TESC: variants seen among roughly 807,000 people sequenced by gnomAD.
TESC encodes tescalcin, also known as calcineurin B homologous protein 3.
TESC carries 19 observed loss-of-function variants against 31.0 expected under a neutral mutation model. The observed-to-expected ratio is 0.61, with a 90% confidence interval of 0.43 to 0.90. The LOEUF (loss-of-function observed/expected upper bound fraction) is 0.90, where lower values mean the gene tolerates loss of function less well. Among genes scored for constraint, TESC ranks in the 40% least tolerant of loss-of-function variants. The probability of loss-of-function intolerance (pLI) is 0.00; values close to 1 mark genes in which losing one functional copy is unlikely to be tolerated. For missense variants in TESC, 248 were observed against 303.8 expected, an observed-to-expected ratio of 0.82 and a Z score of 1.36; for synonymous variants, 109 against 114.8, an observed-to-expected ratio of 0.95 and a Z score of 0.32.
intron 4 of TESC, among the ~76,000 whole-genome samples, chr12:117,048,030 CACT>C (rs1479250861): frequency 7.3e-6 from 1 of 136,650 alleles, no homozygotes; most frequent in East Asian, 1.9e-4. Context: ...AGGAGTGCAC[CACT>C]GAGCCCAGCT....
intron 4 of TESC, 173 bp downstream of exon 4, chr12:117,048,846 C>T (rs775355022): frequency 3.8e-5 from 38 of 1,004,914 alleles, no homozygotes; most frequent in Admixed American, 1.6e-4. Flanking sequence ...GTGCCGGGAA[C>T]GGGAGACAGC....
At chr12:117,095,137 T>C (rs561048583) in intron 1 of TESC, among the ~76,000 whole-genome samples, 17 of 152,126 alleles carry the variant, frequency 1.1e-4, no homozygotes, top group South Asian at 2.1e-4. Context: ...TACAGTGGCA[T>C]GCTCTCAGCT....
At chr12:117,080,173 C>T (rs189765028) in intron 1 of TESC, among the ~76,000 whole-genome samples, 1 of 152,138 alleles carries the variant, frequency 6.6e-6, no homozygotes, top group Admixed American at 6.5e-5. Context: ...TAACAGTATC[C>T]AAAGTGCACG....
chr12:117,078,736 T>C (rs987732252), intron 1 of TESC, among the ~76,000 whole-genome samples: 2 of 152,182 alleles, frequency 1.3e-5, no homozygotes, highest in African/African-American at 4.8e-5. Flanking sequence ...CCTAGAGTTA[T>C]TTTCCCCAAA....
intron 2 of TESC, among the ~76,000 whole-genome samples, chr12:117,063,512 C>G (rs1471622618): frequency 6.6e-6 from 1 of 152,120 alleles, no homozygotes; most frequent in Admixed American, 6.5e-5. Flanking sequence ...CGGAGCCCAG[C>G]TCAGTTGCAA....
intron 2 of TESC, among the ~76,000 whole-genome samples, chr12:117,074,542 GAACT>G (rs1279179609): frequency 2.0e-5 from 3 of 152,150 alleles, no homozygotes; most frequent in Non-Finnish European, 4.4e-5. Context: ...CCTGAGGCCA[GAACT>G]AACCCTAAAG....
chr12:117,099,180 G>A (rs1230718358), intron 1 of TESC, 45 bp downstream of exon 1: 1 of 1,468,394 alleles, frequency 6.8e-7, no homozygotes, highest in Non-Finnish European at 9.0e-7. Flanking sequence ...GTGGCCGTTC[G>A]GAGGTCCCGC....
chr12:117,093,335 C>T lies in TESC; in HGVS notation c.58+5890G>A, dbSNP rs552694474. ...GCAGTGGAGAAACCAGCGCCACCCC[C>T]ACCAGCCACGCTTGGCTACGCCAGT... On this transcript the variant is annotated intron_variant, in intron 1 of 7. Transcript: ENST00000335209. 4.6e-5 allele frequency among the ~76,000 whole-genome samples: 7 copies of T among 152,382 alleles called. No individual in the cohort carries two copies. The South Asian group carries it at 1.2e-3, about 27-fold the overall frequency.
At chr12:117,075,124 C>T (rs957315503) in intron 2 of TESC, 147 bp downstream of exon 2, 19 of 784,330 alleles carry the variant, frequency 2.4e-5, no homozygotes, top group Non-Finnish European at 3.3e-5. Context: ...CCAGCCTGGG[C>T]GACGGAGCGA....
chr12:117,048,672 T>C (rs890698655), intron 4 of TESC: 40 of 485,252 alleles, frequency 8.2e-5, no homozygotes, highest in African/African-American at 7.0e-4. Flanking sequence ...CCACGCATGA[T>C]CGGCATACCC....
chr12:117,046,718 TG>T (rs759845839), intron 5 of TESC, 52 bp from the exon 6 acceptor site: 1 of 1,552,252 alleles, frequency 6.4e-7, no homozygotes, highest in South Asian at 1.2e-5. Flanking sequence ...ATCAGGGTCG[TG>T]GGGGGCAGAG....
chr12:117,093,720 TGCCACGC>T (rs1385302383), intron 1 of TESC, among the ~76,000 whole-genome samples: 1 of 152,066 alleles, frequency 6.6e-6, no homozygotes, highest in Non-Finnish European at 1.5e-5. Flanking sequence ...GTGTGGCAGA[TGCCACGC>T]GCCCGAGAAA....
intron 2 of TESC, among the ~76,000 whole-genome samples, chr12:117,068,320 A>G (rs1954915463): frequency 6.6e-6 from 1 of 152,164 alleles, no homozygotes; most frequent in Non-Finnish European, 1.5e-5. Context: ...ACCTGAGGTC[A>G]GGAGTTTAAG....
At chr12:117,081,239 G>A (rs1315470901) in intron 1 of TESC, among the ~76,000 whole-genome samples, 1 of 152,128 alleles carries the variant, frequency 6.6e-6, no homozygotes, top group Non-Finnish European at 1.5e-5. Context: ...ACACCAGCCT[G>A]CCAAGACTAA....
intron 3 of TESC, 119 bp downstream of exon 3, chr12:117,056,687 C>T (rs1288804897): frequency 4.6e-6 from 5 of 1,091,882 alleles, no homozygotes; most frequent in Non-Finnish European, 6.9e-6. Context: ...AACCCCTACC[C>T]AGCTTGGCCC....
At chr12:117,088,679 T>TAAAAAA (rs1444892525) in intron 1 of TESC, among the ~76,000 whole-genome samples, 1 of 69,106 alleles carries the variant, frequency 1.4e-5, no homozygotes, top group African/African-American at 9.8e-5. Context: ...AGACTCTGTC[T>TAAAAAA]CAAAAAAAAA....
At chr12:117,091,992 A>G (rs1246978024) in intron 1 of TESC, among the ~76,000 whole-genome samples, 1 of 152,184 alleles carries the variant, frequency 6.6e-6, no homozygotes, top group East Asian at 1.9e-4. Flanking sequence ...AAATCCCACT[A>G]GAAGGCCTGG....
intron 1 of TESC, among the ~76,000 whole-genome samples, chr12:117,087,823 A>G (rs1955239569): frequency 6.6e-6 from 1 of 152,180 alleles, no homozygotes; most frequent in African/African-American, 2.4e-5. Context: ...AGCTTGGGTG[A>G]CAGAGCGAGA....
chr12:117,056,794 G>A lies in TESC; in HGVS notation c.209+12C>T, dbSNP rs1954731775. 4 of 1,613,958 alleles carry A rather than the reference G, an allele frequency of 2.5e-6. No individual in the cohort carries two copies. The highest frequency in any genetic ancestry group is 3.4e-6 in the Non-Finnish European group (4 of 1,179,868). ...TGCCTGCCACTGGGCTGGTTCAGGGGAAAACGCCCACCTGTTGTCGAAGAA... is the reference window on the plus strand; with the variant it reads ...TGCCTGCCACTGGGCTGGTTCAGGGAAAAACGCCCACCTGTTGTCGAAGAA... On this transcript the variant is annotated intron_variant, in intron 3 of 7. Coordinates refer to ENST00000335209, the MANE Select transcript of TESC (RefSeq NM_017899.4).
Sources: gnomAD v4.1 joint callset for allele counts (sites outside exome capture counted in the v4.1 genomes callset) on GRCh38, gnomAD v4.1.1 for gene constraint, MANE v1.5 for transcripts, NCBI Gene and HGNC (gene_info 2026-07-23, HGNC 2026-07-21) for gene names.